Variants in DCX observed in about 807,000 individuals in gnomAD.
The protein encoded by DCX is neuronal migration protein doublecortin.
Under a neutral mutation model 20.9 loss-of-function variants are expected in DCX, and 4 were observed. The observed-to-expected ratio is 0.19, with a 90% CI of 0.09 to 0.44. The LOEUF (loss-of-function observed/expected upper bound fraction) is 0.44. Among genes scored for constraint, DCX ranks in the 20% least tolerant of loss-of-function variants. The pLI, the probability that DCX is intolerant of heterozygous loss-of-function variation, is 0.99. For missense variants in DCX, 133 were observed against 296.9 expected (o/e 0.45, Z 4.06); for synonymous variants, 103 against 111.4 (o/e 0.92, Z 0.47).
intron 3 of DCX, among the ~76,000 whole-genome samples, chrX:111,397,809 G>A (rs199868562): frequency 9.1e-5 from 2 of 21,880 alleles, no homozygotes; most frequent in African/African-American, 9.7e-5. Flanking sequence ...CTACATATAT[G>A]TGTGTGTGTA....
At chrX:111,409,486 G>A (rs1001252251) in intron 2 of DCX, among the ~76,000 whole-genome samples, 15 of 111,637 alleles carry the variant, frequency 1.3e-4, no homozygotes, top group African/African-American at 4.9e-4. Context: ...CTCAGCCTTA[G>A]GGACACACCC....
At chrX:111,390,193 G>C (rs1327047463) in intron 3 of DCX, among the ~76,000 whole-genome samples, 2 of 111,568 alleles carry the variant, frequency 1.8e-5, no homozygotes, top group African/African-American at 6.5e-5. Flanking sequence ...ACCTTTAGAA[G>C]CTGAAAACAT....
At chrX:111,319,743 T>A (rs1447649162) in intron 5 of DCX, among the ~76,000 whole-genome samples, 1 of 112,038 alleles carries the variant, frequency 8.9e-6, no homozygotes, top group Non-Finnish European at 1.9e-5. Flanking sequence ...ACAATAGAAC[T>A]CTTCCAAAAG....
Position 111,328,840 on chromosome X carries a change from C to T in DCX, c.946+2064G>A, listed in dbSNP as rs138061217. 4.1e-3 allele frequency among the ~76,000 whole-genome samples: 456 copies of T among 110,592 alleles called. 5 individuals carry two copies. Among genetic ancestry groups the T allele is most frequent in the Non-Finnish European group, 6.6e-3 (349 of 52,809 alleles). ...AGTTGAGCCTTCAGATGACTGCAGC[C>T]CCTACTAATATTTTAATGATACCCA... On this transcript the variant is annotated intron_variant, in intron 5 of 6. Coordinates refer to ENST00000636035, the MANE Select transcript of DCX (RefSeq NM_001195553.2).
At chrX:111,343,643 T>G (rs1922508828) in intron 3 of DCX, among the ~76,000 whole-genome samples, 1 of 111,528 alleles carries the variant, frequency 9.0e-6, no homozygotes, top group Non-Finnish European at 1.9e-5. Flanking sequence ...AATAGAAAAT[T>G]TCAGGCCAAT....
chrX:111,388,573 C>A (rs1221724621), intron 3 of DCX, among the ~76,000 whole-genome samples: 1 of 112,256 alleles, frequency 8.9e-6, no homozygotes, highest in Non-Finnish European at 1.9e-5. Flanking sequence ...TAAACACAAG[C>A]AGGTTTCTTT....
chrX:111,310,534 C>A (rs980008039), intron 6 of DCX, among the ~76,000 whole-genome samples: 7 of 110,915 alleles, frequency 6.3e-5, no homozygotes, highest in African/African-American at 1.6e-4. Flanking sequence ...TTTTGCAACT[C>A]TTCTGTAAGT....
intron 5 of DCX, among the ~76,000 whole-genome samples, chrX:111,323,775 A>G (rs1359044489): frequency 1.8e-5 from 2 of 110,785 alleles, no homozygotes; most frequent in Admixed American, 9.6e-5. Flanking sequence ...GAAGTAGCAC[A>G]ATGAAAATGG....
intron 3 of DCX, among the ~76,000 whole-genome samples, chrX:111,385,510 G>T (rs6655139): frequency 1.2e-3 from 133 of 109,595 alleles, no homozygotes; most frequent in African/African-American, 4.3e-3. Context: ...ACAAAAATTA[G>T]CCAGGTGTGG....
chrX:111,386,790 G>C (rs1376777371), intron 3 of DCX, among the ~76,000 whole-genome samples: 2 of 111,229 alleles, frequency 1.8e-5, no homozygotes, highest in Admixed American at 9.6e-5. Flanking sequence ...AGGACCACAG[G>C]CTAAATGACA....
intron 5 of DCX, among the ~76,000 whole-genome samples, chrX:111,318,663 G>A (rs1478991550): frequency 9.0e-6 from 1 of 111,078 alleles, no homozygotes; most frequent in African/African-American, 3.3e-5. Flanking sequence ...GATGAAGCTG[G>A]AGGCCATTAT....
In DCX at chrX:111,401,346, A is replaced by C; in HGVS notation, c.365-16T>G. 8.6e-7 allele frequency: 1 copy of C among 1,166,570 alleles called. No individual in the cohort carries two copies. The highest frequency in any genetic ancestry group is 1.2e-6 in the Non-Finnish European group (1 of 854,295). On this transcript the variant is annotated splice_polypyrimidine_tract_variant and intron_variant, in intron 2 of 6. Transcript: ENST00000636035. Reference sequence around the variant, plus strand: ...TAGCTTTCCCCTAAGGCAAGAAATAAGTGATTAGGTGATTAGTTTAATAGC... The same window carrying C: ...TAGCTTTCCCCTAAGGCAAGAAATACGTGATTAGGTGATTAGTTTAATAGC...
chrX:111,367,699 G>A (rs957977706), intron 3 of DCX, among the ~76,000 whole-genome samples: 1 of 111,378 alleles, frequency 9.0e-6, no homozygotes, highest in Non-Finnish European at 1.9e-5. Flanking sequence ...GGTACGTGGC[G>A]GCCCTTTGAG....
chrX:111,382,156 C>T (rs1364799281), intron 3 of DCX, among the ~76,000 whole-genome samples: 1 of 111,699 alleles, frequency 9.0e-6, no homozygotes, highest in African/African-American at 3.3e-5. Flanking sequence ...AGCACATGAA[C>T]CACACATTGA....
chrX:111,365,020 C>A (rs1924501681), intron 3 of DCX, among the ~76,000 whole-genome samples: 1 of 108,987 alleles, frequency 9.2e-6, no homozygotes, highest in South Asian at 4.0e-4. Context: ...ACCTCCCAAG[C>A]AGATGGGACT....
chrX:111,368,292 G>C (rs1212330757), intron 3 of DCX, among the ~76,000 whole-genome samples: 1 of 111,360 alleles, frequency 9.0e-6, no homozygotes, highest in Non-Finnish European at 1.9e-5. Flanking sequence ...AGATAACTGT[G>C]GTTTTAACAC....
intron 5 of DCX, among the ~76,000 whole-genome samples, chrX:111,325,857 T>TA (rs1363741496): frequency 1.8e-5 from 2 of 112,344 alleles, no homozygotes; most frequent in African/African-American, 6.5e-5. Context: ...CTAGAAAATG[T>TA]AAAATCACAT....
At chrX:111,318,493 A>G (rs756125103) in intron 5 of DCX, among the ~76,000 whole-genome samples, 5 of 110,741 alleles carry the variant, frequency 4.5e-5, no homozygotes, top group Non-Finnish European at 7.5e-5. Context: ...CAACACATGC[A>G]TGTGTATAAT....
chrX:111,312,016 T>G (rs942285880), intron 6 of DCX, among the ~76,000 whole-genome samples: 1 of 112,501 alleles, frequency 8.9e-6, no homozygotes, highest in Non-Finnish European at 1.9e-5. Flanking sequence ...TCTGTTTGGA[T>G]AGCGGGGCTA....
Sources: gnomAD v4.1 joint callset for allele counts (sites outside exome capture counted in the v4.1 genomes callset) on GRCh38, gnomAD v4.1.1 for gene constraint, MANE v1.5 for transcripts, NCBI Gene and HGNC (gene_info 2026-07-23, HGNC 2026-07-21) for gene names.